Variants in MEIS2 observed in about 807,000 individuals in gnomAD.
The protein encoded by MEIS2 is homeobox protein Meis2.
In MEIS2, 9 loss-of-function variants were observed where a neutral mutation model predicts 58.6. That is an observed-to-expected ratio of 0.15 (90% CI 0.09 to 0.27). MEIS2 has a LOEUF of 0.27. MEIS2 is among the 10% of genes least tolerant of loss of function. MEIS2 has a pLI of 1.00. For synonymous variants in MEIS2, 221 were observed against 228.4 expected (o/e 0.97, Z 0.29); for missense variants, 427 against 635.0 (o/e 0.67, Z 3.52).
chr15:37,036,671 A>G, intron 8 of MEIS2, 143 bp downstream of exon 8: 2 of 918,094 alleles, frequency 2.2e-6, no homozygotes, highest in Non-Finnish European at 3.1e-6. Context: ...ATGAAAAAAA[A>G]AACTTTAACT....
intron 9 of MEIS2, among the ~76,000 whole-genome samples, chr15:36,918,851 G>A (rs998703514): frequency 1.3e-5 from 2 of 152,176 alleles, no homozygotes; most frequent in Admixed American, 1.3e-4. Flanking sequence ...CCGGACTGAA[G>A]TTAGGTGGTA....
intron 9 of MEIS2, chr15:36,897,237 T>C (rs2056226621): frequency 6.5e-6 from 1 of 154,344 alleles, no homozygotes; most frequent in Admixed American, 6.3e-5. Context: ...CCTGTAAAGT[T>C]AGGGGTCATT....
chr15:36,894,642 T>C, intron 11 of MEIS2: 1 of 1,255,746 alleles, frequency 8.0e-7, no homozygotes. Context: ...AAAAATAAAA[T>C]GGGGGCAAAT....
intron 8 of MEIS2, among the ~76,000 whole-genome samples, chr15:36,998,945 T>C (rs1193905488): frequency 6.6e-6 from 1 of 152,246 alleles, no homozygotes; most frequent in Non-Finnish European, 1.5e-5. Flanking sequence ...CATGACTAGT[T>C]CTTGCCATTC....
In MEIS2 at chr15:37,066,145, A is replaced by T. The variant is rs535944807; in HGVS notation, c.754+17626T>A. ...GACCCTATGGATCTAACCAATATAA[A>T]TTGGAAAAATAAAAAAAATTGGTTT... On this transcript the variant is annotated intron_variant, in intron 7 of 11. Transcript: ENST00000561208. Among the ~76,000 whole-genome samples the T allele has an allele frequency of 2.6e-5, 4 of 152,322 alleles. No individual in the cohort carries two copies. The East Asian group carries it at 7.7e-4, about 29-fold the overall frequency.
intron 3 of MEIS2, 184 bp from the exon 4 acceptor site, chr15:37,095,798 C>T (rs1567294617): frequency 3.6e-6 from 3 of 828,364 alleles, no homozygotes; most frequent in Middle Eastern, 2.5e-4. Context: ...CATTCTGGTC[C>T]TGGCCCCATT....
intron 1 of MEIS2, chr15:37,098,845 G>C (rs1435802889): frequency 1.1e-6 from 1 of 906,642 alleles, no homozygotes; most frequent in African/African-American, 1.8e-5. Context: ...ACTAGGGCCA[G>C]TGCCTCCCCG....
chr15:36,920,622 G>A (rs1406030294), intron 9 of MEIS2, among the ~76,000 whole-genome samples: 1 of 152,204 alleles, frequency 6.6e-6, no homozygotes, highest in East Asian at 1.9e-4. Flanking sequence ...ACAAATGTGG[G>A]AAAATGGACC....
At chr15:37,017,188 C>T (rs1244128601) in intron 8 of MEIS2, among the ~76,000 whole-genome samples, 6 of 151,902 alleles carry the variant, frequency 3.9e-5, no homozygotes, top group Non-Finnish European at 5.9e-5. Context: ...ACATCAAACA[C>T]GAGTGACACA....
rs375121722 is a variant in MEIS2 at position 37,083,935 on chromosome 15, C to A, written c.640-50G>T. ...TTTCCACAGTTACCATTTCAGCCAT[C>A]AATGAAGAACCAAAAGGAACGGCAC... On this transcript the variant is annotated intron_variant, in intron 6 of 11. Transcript: ENST00000561208. 428 of 1,525,492 alleles carry A rather than the reference C, an allele frequency of 2.8e-4. 3 individuals are homozygous for A. In the South Asian group the frequency reaches 4.3e-3, roughly 15 times the overall value. The allele number at this position is 1,525,492 out of a possible 1,614,324, so 94.5% of individuals were successfully genotyped here. A position where few individuals can be genotyped will look rare whatever the true frequency, so the allele number is the denominator to read the frequency against.
chr15:37,056,586 C>T (rs865930362), intron 7 of MEIS2, among the ~76,000 whole-genome samples: 1 of 152,192 alleles, frequency 6.6e-6, no homozygotes, highest in Admixed American at 6.5e-5. Flanking sequence ...AAACATGTCC[C>T]GGAGGCAGGG....
chr15:36,979,503 T>C (rs1471492346), intron 8 of MEIS2, among the ~76,000 whole-genome samples: 1 of 151,948 alleles, frequency 6.6e-6, no homozygotes, highest in African/African-American at 2.4e-5. Flanking sequence ...TTTTAGTTTT[T>C]ATTTCCTTAA....
chr15:37,014,160 AG>A (rs1385874717), intron 8 of MEIS2, among the ~76,000 whole-genome samples: 1 of 152,226 alleles, frequency 6.6e-6, no homozygotes, highest in East Asian at 1.9e-4. Flanking sequence ...TCTATTGCAA[AG>A]AACTTCTTAA....
At chr15:36,898,780 G>T (rs182615066) in intron 9 of MEIS2, 1 of 152,128 alleles carries the variant, frequency 6.6e-6, no homozygotes, top group Admixed American at 6.5e-5. Flanking sequence ...TAGTCAGAAT[G>T]TTTACATTAG....
Position 37,038,535 on chromosome 15 carries a change from A to G in MEIS2, c.755-1576T>C, listed in dbSNP as rs35572469. On this transcript the variant is annotated intron_variant, in intron 7 of 11. Transcript: ENST00000561208. ...CCATCACATGGAAGAGATGACCCTC[A>G]CTATTTACAGACTGACAGGCCACTT... Among the ~76,000 whole-genome samples the G allele has an allele frequency of 8.7e-3, 1,329 of 152,298 alleles. 11 individuals are homozygous for G. The highest frequency in any genetic ancestry group is 0.014 in the Non-Finnish European group (965 of 68,022).
chr15:36,998,270 T>C (rs543164512), intron 8 of MEIS2, among the ~76,000 whole-genome samples: 34 of 139,726 alleles, frequency 2.4e-4, no homozygotes, highest in African/African-American at 8.4e-4. Context: ...TTGGTCTTCC[T>C]TTGTCACCTA....
intron 7 of MEIS2, among the ~76,000 whole-genome samples, chr15:37,062,884 C>T (rs964065120): frequency 6.6e-6 from 1 of 152,202 alleles, no homozygotes; most frequent in Non-Finnish European, 1.5e-5. Flanking sequence ...TCACTTGACA[C>T]TTGAAATGAT....
intron 7 of MEIS2, among the ~76,000 whole-genome samples, chr15:37,075,606 T>G (rs1333932312): frequency 6.6e-6 from 1 of 152,088 alleles, no homozygotes; most frequent in South Asian, 2.1e-4. Flanking sequence ...ATTTTGTTTA[T>G]TGCTTCAAAA....
intron 7 of MEIS2, 82 bp from the exon 8 acceptor site, chr15:37,037,041 A>C (rs2062186710): frequency 1.5e-6 from 2 of 1,338,796 alleles, no homozygotes; most frequent in Non-Finnish European, 2.0e-6. Flanking sequence ...AGCTCAGCTA[A>C]GCTTGTTGAA....
Sources: gnomAD v4.1 joint callset for allele counts (sites outside exome capture counted in the v4.1 genomes callset) on GRCh38, gnomAD v4.1.1 for gene constraint, MANE v1.5 for transcripts, NCBI Gene and HGNC (gene_info 2026-07-23, HGNC 2026-07-21) for gene names.